Variants in GABRB3 observed in about 807,000 individuals in gnomAD.
GABRB3 encodes the protein gamma-aminobutyric acid type A receptor subunit beta3.
In GABRB3, 14 loss-of-function variants were observed where a neutral mutation model predicts 52.1. The observed-to-expected ratio is 0.27, with a 90% CI of 0.18 to 0.42. GABRB3 has a LOEUF of 0.42. Ranked by LOEUF, GABRB3 falls within the 10% of genes least tolerant of loss-of-function variation. The pLI, the probability that GABRB3 is intolerant of heterozygous loss-of-function variation, is 1.00. For missense variants in GABRB3, 307 were observed against 609.1 expected (o/e 0.50, Z 5.22); for synonymous variants, 260 against 232.3 (o/e 1.12, Z -1.08).
chr15:26,602,581 A>G (rs1891628752), intron 4 of GABRB3, among the ~76,000 whole-genome samples: 1 of 152,146 alleles, frequency 6.6e-6, no homozygotes. Context: ...CCACAACAGA[A>G]TAAAACTACG....
At chr15:26,653,937 A>T (rs891777284) in intron 3 of GABRB3, among the ~76,000 whole-genome samples, 1 of 152,182 alleles carries the variant, frequency 6.6e-6, no homozygotes, top group African/African-American at 2.4e-5. Context: ...TTGAAAAAGT[A>T]CTCAACCAGA....
intron 3 of GABRB3, among the ~76,000 whole-genome samples, chr15:26,754,416 C>T (rs1159817926): frequency 2.0e-5 from 3 of 152,152 alleles, no homozygotes; most frequent in Non-Finnish European, 4.4e-5. Flanking sequence ...CACCAAGGTG[C>T]TGCTTTTCTG....
intron 3 of GABRB3, among the ~76,000 whole-genome samples, chr15:26,672,426 T>C (rs1052419904): frequency 1.3e-5 from 2 of 152,200 alleles, no homozygotes; most frequent in Non-Finnish European, 2.9e-5. Context: ...GAAGATCATC[T>C]GCTCTTCCGT....
At chr15:26,662,201 A>G (rs560666821) in intron 3 of GABRB3, among the ~76,000 whole-genome samples, 1 of 152,204 alleles carries the variant, frequency 6.6e-6, no homozygotes, top group East Asian at 1.9e-4. Context: ...ATCTTTATCC[A>G]CATTTCATAC....
intron 3 of GABRB3, among the ~76,000 whole-genome samples, chr15:26,663,476 C>T (rs1184438449): frequency 6.6e-6 from 1 of 152,132 alleles, no homozygotes; most frequent in East Asian, 1.9e-4. Context: ...GATGTGATGT[C>T]CTTCTTTTCA....
chr15:26,772,028 G>C (rs1323903765), intron 3 of GABRB3: 4 of 221,914 alleles, frequency 1.8e-5, no homozygotes, highest in Non-Finnish European at 2.6e-5. Flanking sequence ...CCCACATCTC[G>C]CCTCTCCCGG....
chr15:26,667,880 T>C (rs1887765590), intron 3 of GABRB3, among the ~76,000 whole-genome samples: 1 of 152,156 alleles, frequency 6.6e-6, no homozygotes, highest in Non-Finnish European at 1.5e-5. Flanking sequence ...CCGTATGAAG[T>C]AGGAAGTCCA....
Position 26,593,605 on chromosome 15 carries a change from T to C in GABRB3, c.462-10191A>G, listed in dbSNP as rs970998983. On this transcript the variant is annotated intron_variant, in intron 4 of 8. Coordinates refer to ENST00000311550, the MANE Select transcript of GABRB3 (RefSeq NM_000814.6). ...TCTGCCTGGTTTAGTTCAATTACTA[T>C]ATTTTTTTCAAGGTTCACCCATGGT... Among the ~76,000 whole-genome samples the C allele has an allele frequency of 3.9e-5, 6 of 152,314 alleles. 1 individual carries two copies. In the Middle Eastern group the frequency reaches 0.014, roughly 345 times the overall value.
intron 3 of GABRB3, among the ~76,000 whole-genome samples, chr15:26,622,253 C>G (rs77471946): frequency 0.017 from 2,595 of 152,170 alleles, 71 homozygotes; most frequent in African/African-American, 0.059. Context: ...CACAAAATTA[C>G]CAAATATCCA....
rs151191036 is a variant in GABRB3, at chr15:26,724,284, C to T, written c.240+48118G>A. ...TCACAGCTGAGAAATAAAAATGAAA[C>T]CCTAAAACCCCCAACCAGTTGAATG... On this transcript the variant is annotated intron_variant, in intron 3 of 8. Coordinates refer to ENST00000311550, the MANE Select transcript of GABRB3 (RefSeq NM_000814.6). Among the ~76,000 whole-genome samples the T allele has an allele frequency of 3.0e-3, 457 of 152,174 alleles. 3 individuals are homozygous for T. The highest frequency in any genetic ancestry group is 9.6e-3 in the Admixed American group (147 of 15,292).
chr15:26,762,754 C>G (rs1260746545), intron 3 of GABRB3, among the ~76,000 whole-genome samples: 1 of 152,026 alleles, frequency 6.6e-6, no homozygotes, highest in African/African-American at 2.4e-5. Flanking sequence ...TTGTTTTAGT[C>G]CATGCCACAA....
chr15:26,699,284 C>T (rs772415993), intron 3 of GABRB3, among the ~76,000 whole-genome samples: 60 of 152,002 alleles, frequency 3.9e-4, no homozygotes, highest in Non-Finnish European at 7.4e-4. Flanking sequence ...ATTGCTTAAC[C>T]AATATTAGCA....
At chr15:26,566,923 A>C (rs1462501402) in intron 7 of GABRB3, among the ~76,000 whole-genome samples, 1 of 152,236 alleles carries the variant, frequency 6.6e-6, no homozygotes, top group Admixed American at 6.5e-5. Flanking sequence ...TCAGCTCTGT[A>C]CTTACATAAA....
intron 4 of GABRB3, among the ~76,000 whole-genome samples, chr15:26,589,631 G>T (rs1436531337): frequency 1.3e-5 from 2 of 152,010 alleles, no homozygotes; most frequent in Non-Finnish European, 2.9e-5. Flanking sequence ...TCCTCCTTTT[G>T]AATGTTTTCA....
chr15:26,742,924 C>CTTTTTT (rs779891729), intron 3 of GABRB3, among the ~76,000 whole-genome samples: 13 of 48,832 alleles, frequency 2.7e-4, no homozygotes, highest in African/African-American at 5.7e-4. Context: ...ATTAGAGATT[C>CTTTTTT]TTTTTTTTTT....
chr15:26,657,211 C>T (rs1324236159), intron 3 of GABRB3: 1 of 152,130 alleles, frequency 6.6e-6, no homozygotes, highest in Admixed American at 6.5e-5. Flanking sequence ...TGAGGAGAGG[C>T]TTATCTTCTT....
At chr15:26,629,022 C>G (rs2140555129) in intron 3 of GABRB3, 6 of 1,536,156 alleles carry the variant, frequency 3.9e-6, no homozygotes, top group Non-Finnish European at 4.4e-6. Flanking sequence ...GAGGGAGTCT[C>G]CCGGTATCCC....
chr15:26,584,012 G>A lies in GABRB3; in HGVS notation c.462-598C>T, dbSNP rs542911112. Among the ~76,000 whole-genome samples the A allele has an allele frequency of 4.7e-3, 719 of 152,186 alleles. 3 individuals carry two copies. The highest frequency in any genetic ancestry group is 7.6e-3 in the Non-Finnish European group (519 of 68,000). ...AGGATGGTCTCGACCTCTTGACCTC[G>A]TGATCCGCCTGCCTCGGCCTCCCAA... is the stretch of plus-strand genomic sequence containing the variant. On this transcript the variant is annotated intron_variant, in intron 4 of 8. Transcript: ENST00000311550.
intron 3 of GABRB3, among the ~76,000 whole-genome samples, chr15:26,655,983 T>C (rs1338298100): frequency 3.9e-5 from 6 of 152,352 alleles, no homozygotes; most frequent in Non-Finnish European, 8.8e-5. Context: ...TTATGGTTAT[T>C]AAACCTCTGA....
Sources: allele counts gnomAD v4.1 joint callset (sites outside exome capture counted in the v4.1 genomes callset), GRCh38; gene constraint gnomAD v4.1.1; transcripts MANE v1.5; gene names NCBI Gene and HGNC (gene_info 2026-07-23, HGNC 2026-07-21).